Variants in RARB observed in about 807,000 individuals in gnomAD.
RARB encodes the protein retinoic acid receptor beta.
In RARB, 17 loss-of-function variants were observed where a neutral mutation model predicts 51.9. That is an observed-to-expected ratio of 0.33 (90% CI 0.22 to 0.49). RARB has a LOEUF of 0.49. RARB is among the 20% of genes least tolerant of loss of function. RARB has a pLI of 0.99. For synonymous variants in RARB, 215 were observed against 195.4 expected, an observed-to-expected ratio of 1.10 and a Z score of -0.84; for missense variants, 369 against 550.8, an observed-to-expected ratio of 0.67 and a Z score of 3.30.
intron 3 of RARB, among the ~76,000 whole-genome samples, chr3:25,549,426 C>T (rs1267397398): frequency 6.6e-6 from 1 of 152,096 alleles, no homozygotes. Flanking sequence ...CGTTCTGATT[C>T]AGACTCGGCC....
At chr3:25,126,700 C>T (rs1191616857) in intron 3 of RARB, among the ~76,000 whole-genome samples, 2 of 152,168 alleles carry the variant, frequency 1.3e-5, no homozygotes, top group Non-Finnish European at 2.9e-5. Context: ...TAACTTTCAT[C>T]TCCTGAAAAG....
At chr3:25,338,779 T>C (rs766447495) in intron 5 of RARB, among the ~76,000 whole-genome samples, 1 of 152,212 alleles carries the variant, frequency 6.6e-6, no homozygotes, top group Non-Finnish European at 1.5e-5. Flanking sequence ...ACAACTCTAA[T>C]GGTTATTAAA....
chr3:25,417,674 G>C (rs1433582166), intron 5 of RARB, among the ~76,000 whole-genome samples: 1 of 152,092 alleles, frequency 6.6e-6, no homozygotes, highest in Non-Finnish European at 1.5e-5. Flanking sequence ...CCCAGTCTCA[G>C]GTATGTCTTT....
chr3:24,878,769 A>T (rs1023416308), intron 2 of RARB, among the ~76,000 whole-genome samples: 3 of 152,186 alleles, frequency 2.0e-5, no homozygotes, highest in African/African-American at 7.2e-5. Flanking sequence ...TGATCTGCAG[A>T]TACCATTTGT....
chr3:25,131,625 A>G (rs1474910733), intron 3 of RARB, among the ~76,000 whole-genome samples: 1 of 152,028 alleles, frequency 6.6e-6, no homozygotes. Context: ...TAAAAGGTTT[A>G]GATTTCAGGA....
chr3:25,396,843 G>A (rs985283888), intron 5 of RARB, among the ~76,000 whole-genome samples: 1 of 152,226 alleles, frequency 6.6e-6, no homozygotes, highest in Non-Finnish European at 1.5e-5. Flanking sequence ...GCCTTACCCA[G>A]TTCCCATACA....
chr3:25,139,080 G>C (rs1005142541), intron 4 of RARB, among the ~76,000 whole-genome samples: 1 of 152,216 alleles, frequency 6.6e-6, no homozygotes, highest in East Asian at 1.9e-4. Flanking sequence ...TAAATAGTGT[G>C]TGTGTTCTGA....
At chr3:25,168,935 A>AGAAGAGTACAAGAAATG (rs1045153291) in intron 4 of RARB, among the ~76,000 whole-genome samples, 10 of 152,242 alleles carry the variant, frequency 6.6e-5, no homozygotes, top group African/African-American at 2.4e-4. Context: ...GAGATTAAAG[A>AGAAGAGTACAAGAAATG]GAAGAGTACA....
intron 2 of RARB, among the ~76,000 whole-genome samples, chr3:25,500,012 C>A (rs192030859): frequency 1.3e-5 from 2 of 152,284 alleles, no homozygotes; most frequent in East Asian, 3.9e-4. Flanking sequence ...AGTTATATTT[C>A]CTGTGAGTGT....
intron 2 of RARB, among the ~76,000 whole-genome samples, chr3:24,873,058 C>A (rs573529425): frequency 6.6e-6 from 1 of 152,304 alleles, no homozygotes; most frequent in East Asian, 1.9e-4. Context: ...GCAGTTATAG[C>A]ACAGACAATA....
chr3:24,887,370 C>A (rs1005344333), intron 2 of RARB, among the ~76,000 whole-genome samples: 13 of 152,354 alleles, frequency 8.5e-5, no homozygotes, highest in Admixed American at 7.8e-4. Context: ...TACAGCATGT[C>A]TCATAGTATA....
At chr3:25,173,014 C>T (rs926851311) in intron 4 of RARB, among the ~76,000 whole-genome samples, 2 of 152,200 alleles carry the variant, frequency 1.3e-5, no homozygotes, top group Non-Finnish European at 2.9e-5. Flanking sequence ...CCTTGAAGTA[C>T]TCTTGTTTCG....
At chr3:25,447,067 T>C (rs1420172993) in intron 1 of RARB, among the ~76,000 whole-genome samples, 2 of 152,082 alleles carry the variant, frequency 1.3e-5, no homozygotes, top group Non-Finnish European at 2.9e-5. Flanking sequence ...CACACTTTTG[T>C]TAGGAGGCAG....
intron 3 of RARB, among the ~76,000 whole-genome samples, chr3:25,558,488 C>G (rs561914199): frequency 3.3e-5 from 5 of 150,660 alleles, no homozygotes; most frequent in Admixed American, 6.6e-5. Flanking sequence ...TTTTCCCTTT[C>G]CCATCAACTA....
intron 4 of RARB, among the ~76,000 whole-genome samples, chr3:25,572,083 G>A (rs1575530334): frequency 6.6e-6 from 1 of 152,170 alleles, no homozygotes; most frequent in African/African-American, 2.4e-5. Context: ...AGGGCGTCTT[G>A]ACCTAAGAAA....
At chr3:25,188,587 C>A (rs1473180051) in intron 5 of RARB, among the ~76,000 whole-genome samples, 1 of 152,126 alleles carries the variant, frequency 6.6e-6, no homozygotes, top group Non-Finnish European at 1.5e-5. Context: ...CTGTCAGCTT[C>A]TTTGAAAGCG....
intron 3 of RARB, among the ~76,000 whole-genome samples, chr3:25,521,893 C>T (rs1332899606): frequency 6.6e-6 from 1 of 152,020 alleles, no homozygotes; most frequent in Non-Finnish European, 1.5e-5. Flanking sequence ...TACAGTGAAA[C>T]CTAATTCGTA....
At chr3:25,095,464 G>C (rs531847310) in intron 3 of RARB, among the ~76,000 whole-genome samples, 1 of 152,308 alleles carries the variant, frequency 6.6e-6, no homozygotes, top group East Asian at 1.9e-4. Flanking sequence ...TTTTTAACAA[G>C]CTTTCCAAGT....
At chr3:25,259,499 A>G (rs1211595937) in intron 5 of RARB, among the ~76,000 whole-genome samples, 2 of 152,134 alleles carry the variant, frequency 1.3e-5, no homozygotes, top group Non-Finnish European at 2.9e-5. Flanking sequence ...TCAATGTCCA[A>G]GGTAACCTAG....
Sources: allele counts gnomAD v4.1 joint callset (sites outside exome capture counted in the v4.1 genomes callset), GRCh38; gene constraint gnomAD v4.1.1; transcripts MANE v1.5; gene names NCBI Gene and HGNC (gene_info 2026-07-23, HGNC 2026-07-21).